Variants in NCAM2 observed in about 807,000 individuals in gnomAD.
The protein encoded by NCAM2 is neural cell adhesion molecule 2, also known as N-CAM-2.
Under a neutral mutation model 98.1 loss-of-function variants are expected in NCAM2, and 30 were observed. The observed-to-expected ratio is 0.31, with a 90% CI of 0.23 to 0.41. NCAM2 has a LOEUF of 0.41. Among genes scored for constraint, NCAM2 ranks in the 10% least tolerant of loss-of-function variants. The pLI is 1.00. For synonymous variants in NCAM2, 368 were observed against 342.4 expected (o/e 1.07, Z -0.83); for missense variants, 867 against 1,005.8 (o/e 0.86, Z 1.87).
intron 1 of NCAM2, among the ~76,000 whole-genome samples, chr21:21,078,444 G>T (rs1392758587): frequency 1.3e-5 from 2 of 152,130 alleles, no homozygotes; most frequent in Admixed American, 1.3e-4. Context: ...TAATTCAGAT[G>T]TGTAAAAAAT....
chr21:21,155,025 C>T (rs759249048), intron 1 of NCAM2, among the ~76,000 whole-genome samples: 23 of 151,496 alleles, frequency 1.5e-4, no homozygotes, highest in Non-Finnish European at 3.2e-4. Flanking sequence ...GCAACAGTTT[C>T]ATATTGAGAG....
At chr21:21,318,717 T>C (rs1399167255) in intron 5 of NCAM2, among the ~76,000 whole-genome samples, 2 of 152,208 alleles carry the variant, frequency 1.3e-5, no homozygotes, top group African/African-American at 4.8e-5. Flanking sequence ...TAATTAAATA[T>C]AGAATTTATT....
chr21:21,472,839 C>G (rs1984620253), intron 14 of NCAM2, among the ~76,000 whole-genome samples: 1 of 151,560 alleles, frequency 6.6e-6, no homozygotes, highest in South Asian at 2.1e-4. Context: ...AAAAGTTTAC[C>G]AAGCATCAGC....
intron 1 of NCAM2, among the ~76,000 whole-genome samples, chr21:21,200,622 A>ATT (rs906903481): frequency 6.7e-6 from 1 of 149,268 alleles, no homozygotes; most frequent in African/African-American, 2.5e-5. Context: ...GACTATAAAC[A>ATT]TTTTTTTTTT....
At position 21,141,873 on chromosome 21, in the gene NCAM2, A is replaced by G. The variant is rs1393990084; in HGVS notation, c.56-138705A>G. The stretch of plus-strand genomic sequence containing the variant: ...GGGAAATTGTATCTGAACACCATAA[A>G]TTGGGTTCAAGGTATGCTCATTAGT... On this transcript the variant is annotated intron_variant, in intron 1 of 17. Coordinates refer to ENST00000400546, the MANE Select transcript of NCAM2 (RefSeq NM_004540.5). Among the ~76,000 whole-genome samples, 4 of 152,172 alleles carry G rather than the reference A, an allele frequency of 2.6e-5. No homozygotes were observed. In the East Asian group the frequency reaches 7.7e-4, roughly 29 times the overall value.
intron 12 of NCAM2, among the ~76,000 whole-genome samples, chr21:21,455,418 T>C (rs1454573567): frequency 1.3e-5 from 2 of 151,836 alleles, no homozygotes; most frequent in Non-Finnish European, 2.9e-5. Context: ...TTTTTTTCCT[T>C]TTAATTTAGG....
At chr21:21,165,107 A>G (rs2067908841) in intron 1 of NCAM2, among the ~76,000 whole-genome samples, 1 of 152,164 alleles carries the variant, frequency 6.6e-6, no homozygotes, top group South Asian at 2.1e-4. Context: ...GTATTTATGG[A>G]TACTGTTCAT....
intron 1 of NCAM2, among the ~76,000 whole-genome samples, chr21:21,121,195 T>C (rs542203405): frequency 8.5e-5 from 13 of 152,356 alleles, no homozygotes; most frequent in East Asian, 5.8e-4. Flanking sequence ...TATGAGTGAT[T>C]GCATTCTGAC....
At position 21,468,653 on chromosome 21, in the gene NCAM2, T is replaced by C; in HGVS notation, c.1775-9T>C. On this transcript the variant is annotated splice_polypyrimidine_tract_variant and intron_variant, in intron 13 of 17. Transcript: ENST00000400546. Reference sequence around the variant, plus strand: ...GTGCAAATGAAGAAATGTTGTATTGTATATCTAGGTGAACCAAGTCCTCCA... The same window carrying C: ...GTGCAAATGAAGAAATGTTGTATTGCATATCTAGGTGAACCAAGTCCTCCA... The C allele has an allele frequency of 8.1e-6, 13 of 1,607,230 alleles. 1 individual carries two copies. Among genetic ancestry groups the C allele is most frequent in the Non-Finnish European group, 1.1e-5 (13 of 1,176,272 alleles).
intron 16 of NCAM2, among the ~76,000 whole-genome samples, chr21:21,529,451 T>C (rs1002670097): frequency 3.9e-5 from 6 of 152,114 alleles, no homozygotes; most frequent in Non-Finnish European, 7.4e-5. Context: ...TTCTACATAG[T>C]AGAGTTAAAC....
intron 1 of NCAM2, among the ~76,000 whole-genome samples, chr21:21,251,767 T>C (rs1027893919): frequency 2.1e-5 from 3 of 144,506 alleles, no homozygotes; most frequent in African/African-American, 7.6e-5. Context: ...TCTTGTAAAT[T>C]TCTTTAAGTT....
At chr21:21,197,401 A>T (rs2146998996) in intron 1 of NCAM2, among the ~76,000 whole-genome samples, 1 of 152,296 alleles carries the variant, frequency 6.6e-6, no homozygotes, top group African/African-American at 2.4e-5. Flanking sequence ...AAGTGCTGGG[A>T]TTACAGGTGT....
intron 9 of NCAM2, among the ~76,000 whole-genome samples, chr21:21,391,335 T>C (rs933082462): frequency 6.6e-6 from 1 of 152,196 alleles, no homozygotes; most frequent in African/African-American, 2.4e-5. Context: ...TTATGTAGAA[T>C]AGCTTAGAAA....
At chr21:21,209,044 G>A (rs2069546812) in intron 1 of NCAM2, among the ~76,000 whole-genome samples, 1 of 152,060 alleles carries the variant, frequency 6.6e-6, no homozygotes, top group African/African-American at 2.4e-5. Flanking sequence ...TTCTGAATCT[G>A]TGAAATATAT....
chr21:21,497,378 A>G (rs1987317815), intron 15 of NCAM2, among the ~76,000 whole-genome samples: 1 of 152,190 alleles, frequency 6.6e-6, no homozygotes, highest in South Asian at 2.1e-4. Flanking sequence ...ATACAGTTTT[A>G]CAATTATAAA....
intron 1 of NCAM2, among the ~76,000 whole-genome samples, chr21:21,042,750 G>A (rs1214855090): frequency 6.6e-6 from 1 of 152,108 alleles, no homozygotes; most frequent in African/African-American, 2.4e-5. Context: ...CTAAAATAAG[G>A]AAGAATTGGT....
chr21:21,045,017 GAT>G (rs1306726654), intron 1 of NCAM2, among the ~76,000 whole-genome samples: 1 of 152,048 alleles, frequency 6.6e-6, no homozygotes, highest in African/African-American at 2.4e-5. Flanking sequence ...TAAAAACACA[GAT>G]ATATAAAAAT....
chr21:21,013,611 G>A (rs868324941), intron 1 of NCAM2, among the ~76,000 whole-genome samples: 14 of 151,918 alleles, frequency 9.2e-5, no homozygotes, highest in South Asian at 2.1e-4. Context: ...GTGAAACCCC[G>A]CCTCTACTAA....
intron 1 of NCAM2, among the ~76,000 whole-genome samples, chr21:21,028,712 T>C (rs1295176268): frequency 6.6e-6 from 1 of 152,202 alleles, no homozygotes; most frequent in Non-Finnish European, 1.5e-5. Flanking sequence ...AGTCTTTTAT[T>C]TGTGCAATAA....
Sources: gnomAD v4.1 joint callset for allele counts (sites outside exome capture counted in the v4.1 genomes callset) on GRCh38, gnomAD v4.1.1 for gene constraint, MANE v1.5 for transcripts, NCBI Gene and HGNC (gene_info 2026-07-23, HGNC 2026-07-21) for gene names.